The following TENM4 variants were observed in gnomAD, a reference collection of about 807,000 sequenced individuals.
TENM4 encodes teneurin-4.
In TENM4, 82 loss-of-function variants were observed where a neutral mutation model predicts 243.3. The observed-to-expected ratio is 0.34, with a 90% confidence interval of 0.28 to 0.40. The LOEUF (loss-of-function observed/expected upper bound fraction) is 0.40. TENM4 is among the 10% of genes least tolerant of loss of function. The pLI, the probability that TENM4 is intolerant of heterozygous loss-of-function variation, is 1.00. For synonymous variants in TENM4, 1,412 were observed against 1,456.3 expected, an observed-to-expected ratio of 0.97 and a Z score of 0.69; for missense variants, 3,138 against 3,673.3, an observed-to-expected ratio of 0.85 and a Z score of 3.77.
chr11:78,946,071 A>T (rs2136473440), intron 6 of TENM4, among the ~76,000 whole-genome samples: 1 of 152,352 alleles, frequency 6.6e-6, no homozygotes, highest in South Asian at 2.1e-4. Context: ...GGCTACACTA[A>T]ACAGCAGTTT....
chr11:78,732,472 A>G lies in TENM4; in HGVS notation c.2982T>C (p.Phe994=), dbSNP rs1590976300. 1 of 1,613,812 alleles carries G rather than the reference A, an allele frequency of 6.2e-7. No individual in the cohort carries two copies. Among genetic ancestry groups the G allele is most frequent in the East Asian group, 2.2e-5 (1 of 44,866 alleles). Residue 994 remains phenylalanine, a synonymous_variant, in exon 21 of 34, where the codon TTT becomes TTC. Transcript: ENST00000278550. ...GTCTCATGATGATGGTTTCCATGACAAAGAAGCGATCCCATGGCAGCCACA... is the reference window on the plus strand; with the variant it reads ...GTCTCATGATGATGGTTTCCATGACGAAGAAGCGATCCCATGGCAGCCACA... ...HTLWLPWDRF[F]VMETIIMRHE...
chr11:79,259,214 G>C (rs534577219), intron 2 of TENM4, among the ~76,000 whole-genome samples: 1 of 152,068 alleles, frequency 6.6e-6, no homozygotes, highest in Non-Finnish European at 1.5e-5. Context: ...GCTTGGTCAA[G>C]GATCAAATAA....
intron 1 of TENM4, among the ~76,000 whole-genome samples, chr11:79,378,133 T>C (rs1857929409): frequency 6.6e-6 from 1 of 152,240 alleles, no homozygotes; most frequent in African/African-American, 2.4e-5. Context: ...TGGTACCACC[T>C]GAAAATGTCA....
chr11:79,358,352 T>A (rs965928562), intron 1 of TENM4, among the ~76,000 whole-genome samples: 1 of 152,186 alleles, frequency 6.6e-6, no homozygotes, highest in African/African-American at 2.4e-5. Context: ...AAGCCATGAT[T>A]ATCAGGCGGC....
At chr11:79,217,874 C>G (rs930166230) in intron 2 of TENM4, among the ~76,000 whole-genome samples, 1 of 152,130 alleles carries the variant, frequency 6.6e-6, no homozygotes, top group East Asian at 1.9e-4. Context: ...AGGTGCCCAC[C>G]ACCACGGCTG....
intron 1 of TENM4, among the ~76,000 whole-genome samples, chr11:79,392,759 G>A (rs1379276664): frequency 6.6e-6 from 1 of 152,192 alleles, no homozygotes; most frequent in African/African-American, 2.4e-5. Flanking sequence ...AAAGCATGAC[G>A]TAGGGTTTAA....
chr11:78,993,253 G>C (rs895583431), intron 6 of TENM4, among the ~76,000 whole-genome samples: 10 of 152,172 alleles, frequency 6.6e-5, no homozygotes, highest in Admixed American at 1.3e-4. Context: ...GAGGAAGAGG[G>C]GGCATTACTA....
intron 3 of TENM4, among the ~76,000 whole-genome samples, chr11:79,154,274 T>C (rs1206369860): frequency 6.6e-6 from 1 of 152,044 alleles, no homozygotes; most frequent in Non-Finnish European, 1.5e-5. Flanking sequence ...GCACATCACA[T>C]GGCAAGAGAG....
intron 3 of TENM4, among the ~76,000 whole-genome samples, chr11:79,173,033 C>A (rs1591332118): frequency 1.3e-5 from 2 of 152,308 alleles, no homozygotes; most frequent in Admixed American, 1.3e-4. Flanking sequence ...CTCATCATAT[C>A]TTTTCCTTGC....
At chr11:78,674,220 G>A (rs1323580581) in intron 30 of TENM4, among the ~76,000 whole-genome samples, 1 of 152,184 alleles carries the variant, frequency 6.6e-6, no homozygotes, top group Non-Finnish European at 1.5e-5. Flanking sequence ...GGCAGTGGCG[G>A]CAATGAGATT....
chr11:78,990,653 A>G (rs2136661612), intron 6 of TENM4, among the ~76,000 whole-genome samples: 1 of 152,308 alleles, frequency 6.6e-6, no homozygotes, highest in Non-Finnish European at 1.5e-5. Flanking sequence ...CACAGATAGG[A>G]GTCTGTATAG....
At chr11:79,022,811 A>T (rs1591216143) in intron 6 of TENM4, among the ~76,000 whole-genome samples, 1 of 152,162 alleles carries the variant, frequency 6.6e-6, no homozygotes, top group South Asian at 2.1e-4. Context: ...GATGATGAAG[A>T]TGAAGATGGT....
intron 2 of TENM4, among the ~76,000 whole-genome samples, chr11:79,237,212 C>T (rs532314951): frequency 6.6e-6 from 1 of 152,226 alleles, no homozygotes; most frequent in East Asian, 1.9e-4. Context: ...CTCCCCTATG[C>T]CCCAAACATA....
intron 1 of TENM4, among the ~76,000 whole-genome samples, chr11:79,336,324 G>C (rs1309996802): frequency 6.6e-6 from 1 of 152,146 alleles, no homozygotes; most frequent in Non-Finnish European, 1.5e-5. Context: ...CAGGCCTCTA[G>C]CTTCTGATCG....
chr11:78,655,939 C>T lies in TENM4; in HGVS notation c.*2119G>A, dbSNP rs1857878822. 6.6e-6 allele frequency: 1 copy of T among 152,238 alleles called. No individual in the cohort carries two copies. Among genetic ancestry groups the T allele is most frequent in the African/African-American group, 2.4e-5 (1 of 41,454 alleles). 9.4% of individuals were successfully genotyped at this position (152,238 alleles called of 1,614,324 possible). On this transcript the variant is annotated 3_prime_UTR_variant, in exon 34 of 34. Coordinates refer to ENST00000278550, the MANE Select transcript of TENM4 (RefSeq NM_001098816.3). ...CAGGCCTGCAGAGCACTGTATCTGA[C>T]TCAGTAGAGCTCTGGATCCAGGGGC...
rs147728383 is a variant in TENM4 at position 78,846,820 on chromosome 11, C to T, written c.1681+7284G>A. Among the ~76,000 whole-genome samples, 691 of 152,284 alleles carry T rather than the reference C, an allele frequency of 4.5e-3. 3 individuals carry two copies. The highest frequency in any genetic ancestry group is 0.016 in the African/African-American group (654 of 41,542). On this transcript the variant is annotated intron_variant, in intron 12 of 33. Coordinates refer to ENST00000278550, the MANE Select transcript of TENM4 (RefSeq NM_001098816.3). ...TTGGTCTTTGTTGAACCAAACAGAC[C>T]TGATGAAGTCTGTGGCAGACACTGC...
intron 1 of TENM4, among the ~76,000 whole-genome samples, chr11:79,324,408 A>G (rs956601140): frequency 6.6e-6 from 1 of 151,940 alleles, no homozygotes; most frequent in African/African-American, 2.4e-5. Context: ...AAATGTAGAG[A>G]TCAGGTCTCG....
At chr11:78,660,774 G>A (rs551166423) in intron 33 of TENM4, among the ~76,000 whole-genome samples, 1 of 152,296 alleles carries the variant, frequency 6.6e-6, no homozygotes, top group African/African-American at 2.4e-5. Context: ...AGTAGGGAGG[G>A]GAGAAGCGAG....
At chr11:79,202,375 CT>C (rs886576059) in intron 3 of TENM4, among the ~76,000 whole-genome samples, 3 of 152,150 alleles carry the variant, frequency 2.0e-5, no homozygotes, top group African/African-American at 7.2e-5. Context: ...GAGTAATCAT[CT>C]TTTTTTTCCC....
Sources: gnomAD v4.1 joint callset for allele counts (sites outside exome capture counted in the v4.1 genomes callset) on GRCh38, gnomAD v4.1.1 for gene constraint, MANE v1.5 for transcripts, NCBI Gene and HGNC (gene_info 2026-07-23, HGNC 2026-07-21) for gene names.